The following STK33 variants were observed in gnomAD, a reference collection of about 807,000 sequenced individuals.
STK33 encodes serine/threonine-protein kinase 33.
In STK33, 52 loss-of-function variants were observed where a neutral mutation model predicts 58.0. The ratio of observed to expected loss-of-function variants is 0.90; its 90% CI spans 0.72 to 1.13. The LOEUF (loss-of-function observed/expected upper bound fraction) is 1.13, where lower values mean the gene tolerates loss of function less well. Among genes scored for constraint, STK33 ranks in the 50% most tolerant of loss-of-function variants. The pLI is 0.00. For synonymous variants in STK33, 215 were observed against 200.1 expected, an observed-to-expected ratio of 1.07 and a Z score of -0.63; for missense variants, 630 against 604.2, an observed-to-expected ratio of 1.04 and a Z score of -0.45.
At chr11:8,495,088 G>T (rs1423920790) in intron 1 of STK33, among the ~76,000 whole-genome samples, 1 of 152,186 alleles carries the variant, frequency 6.6e-6, no homozygotes, top group Non-Finnish European at 1.5e-5. Context: ...AGCCGAAATT[G>T]ACAAATGGGA....
chr11:8,351,947 C>T, the STK33 span, among the ~76,000 whole-genome samples: 1 of 152,190 alleles, frequency 6.6e-6, no homozygotes, highest in Non-Finnish European at 1.5e-5. Context: ...TCCTCAGCGG[C>T]GCTCACGGTC....
chr11:8,359,804 G>A, the STK33 span, among the ~76,000 whole-genome samples: 11 of 152,268 alleles, frequency 7.2e-5, no homozygotes, highest in African/African-American at 2.7e-4. Flanking sequence ...CACAGGGGTG[G>A]TCTAGCAGAA....
intron 1 of STK33, among the ~76,000 whole-genome samples, chr11:8,561,299 T>C (rs1591802239): frequency 6.6e-6 from 1 of 152,282 alleles, no homozygotes; most frequent in East Asian, 1.9e-4. Context: ...GACCAGGTAT[T>C]AAATCTGTGG....
chr11:8,589,221 T>C (rs1239491436), intron 1 of STK33, among the ~76,000 whole-genome samples: 1 of 152,058 alleles, frequency 6.6e-6, no homozygotes, highest in Non-Finnish European at 1.5e-5. Context: ...TGAATATTCA[T>C]AGCAGCATTA....
the STK33 span, among the ~76,000 whole-genome samples, chr11:8,351,571 T>G: frequency 1.3e-5 from 2 of 152,108 alleles, no homozygotes; most frequent in African/African-American, 4.8e-5. Context: ...GCCTGTCACT[T>G]CACCATAATT....
chr11:8,556,253 C>T (rs185593363), intron 1 of STK33, among the ~76,000 whole-genome samples: 1 of 152,122 alleles, frequency 6.6e-6, no homozygotes, highest in Non-Finnish European at 1.5e-5. Context: ...CAGAAAAAAG[C>T]GTCATCAAAG....
chr11:8,479,775 A>G (rs1229613756), intron 2 of STK33, among the ~76,000 whole-genome samples: 1 of 152,066 alleles, frequency 6.6e-6, no homozygotes, highest in Non-Finnish European at 1.5e-5. Context: ...CCCAGGAGGC[A>G]GAGGTTGCAG....
chr11:8,345,229 C>G, the STK33 span, among the ~76,000 whole-genome samples: 5 of 152,336 alleles, frequency 3.3e-5, no homozygotes, highest in South Asian at 1.0e-3. Flanking sequence ...CACAGTCCAA[C>G]TATTGACAAC....
intron 1 of STK33, among the ~76,000 whole-genome samples, chr11:8,571,588 C>T (rs1957809522): frequency 6.6e-6 from 1 of 152,108 alleles, no homozygotes; most frequent in Admixed American, 6.6e-5. Flanking sequence ...AATCCCAACA[C>T]TTTGGGAGGC....
At chr11:8,404,869 G>A (rs994746927) in intron 15 of STK33, among the ~76,000 whole-genome samples, 1 of 152,202 alleles carries the variant, frequency 6.6e-6, no homozygotes, top group African/African-American at 2.4e-5. Flanking sequence ...AGCCAGGCGC[G>A]GTGGCTCACG....
At chr11:8,426,931 C>G (rs1302296258) in intron 14 of STK33, among the ~76,000 whole-genome samples, 1 of 152,138 alleles carries the variant, frequency 6.6e-6, no homozygotes, top group Non-Finnish European at 1.5e-5. Context: ...GCTCCCATGC[C>G]CTTGCCCCCT....
intron 11 of STK33, among the ~76,000 whole-genome samples, chr11:8,444,706 T>G (rs944119456): frequency 6.6e-6 from 1 of 152,012 alleles, no homozygotes; most frequent in Non-Finnish European, 1.5e-5. Context: ...AACAATTTTC[T>G]AGAAAAACAT....
chr11:8,516,904 G>A (rs952911721), intron 1 of STK33, among the ~76,000 whole-genome samples: 2 of 152,174 alleles, frequency 1.3e-5, no homozygotes, highest in African/African-American at 4.8e-5. Context: ...CCACATCTGG[G>A]GCAGGGCATA....
At chr11:8,469,095 T>C (rs528819879) in intron 6 of STK33, among the ~76,000 whole-genome samples, 39 of 152,324 alleles carry the variant, frequency 2.6e-4, no homozygotes, top group African/African-American at 9.1e-4. Flanking sequence ...TGACAATTTC[T>C]AAAAATAAGA....
At chr11:8,370,478 C>T in the STK33 span, among the ~76,000 whole-genome samples, 6 of 152,254 alleles carry the variant, frequency 3.9e-5, no homozygotes, top group East Asian at 5.8e-4. Context: ...ATTACAGGCA[C>T]GATCCACCCT....
At chr11:8,575,435 A>G (rs1958110153) in intron 1 of STK33, among the ~76,000 whole-genome samples, 1 of 152,246 alleles carries the variant, frequency 6.6e-6, no homozygotes, top group African/African-American at 2.4e-5. Context: ...AAAGGGAACA[A>G]GCTCTGATAC....
chr11:8,489,775 T>C (rs1275871119), intron 1 of STK33, among the ~76,000 whole-genome samples: 1 of 152,180 alleles, frequency 6.6e-6, no homozygotes, highest in Admixed American at 6.5e-5. Context: ...TTTTTTTAAA[T>C]TAAATAGCAA....
rs146794450 is a variant in STK33, at chr11:8,546,639, C to T, written c.-466+47444G>A. On this transcript the variant is annotated intron_variant, in intron 1 of 15. Transcript: ENST00000687296. The stretch of plus-strand genomic sequence containing the variant: ...CTTGGAACCATCAGTCTACTCTCTA[C>T]TTCCATGGCATTAACTTGTTCATCC... Among the ~76,000 whole-genome samples, 300 of 144,026 alleles carry T rather than the reference C, an allele frequency of 2.1e-3. 1 individual carries two copies. Among genetic ancestry groups the T allele is most frequent in the Non-Finnish European group, 3.2e-3 (206 of 65,290 alleles). 94.5% of individuals were successfully genotyped at this position (144,026 alleles called of 152,430 possible). A position where few individuals can be genotyped will look rare whatever the true frequency, so the allele number is the denominator to read the frequency against.
At chr11:8,490,273 CA>C (rs1193297873) in intron 1 of STK33, among the ~76,000 whole-genome samples, 1 of 152,238 alleles carries the variant, frequency 6.6e-6, no homozygotes, top group Non-Finnish European at 1.5e-5. Flanking sequence ...ATATCCCCTG[CA>C]TGGCTGGATA....
Sources: gnomAD v4.1 joint callset for allele counts (sites outside exome capture counted in the v4.1 genomes callset) on GRCh38, gnomAD v4.1.1 for gene constraint, MANE v1.5 for transcripts, NCBI Gene and HGNC (gene_info 2026-07-23, HGNC 2026-07-21) for gene names.